LRP1B: variants seen among roughly 807,000 people sequenced by gnomAD.
LRP1B encodes the protein LDL receptor related protein 1B.
Under a neutral mutation model 556.6 loss-of-function variants are expected in LRP1B, and 217 were observed. The ratio of observed to expected loss-of-function variants is 0.39; its 90% CI spans 0.35 to 0.44. The LOEUF (loss-of-function observed/expected upper bound fraction) is 0.44. Among genes scored for constraint, LRP1B ranks in the 20% least tolerant of loss-of-function variants. LRP1B has a pLI of 1.00. For missense variants in LRP1B, 5,053 were observed against 5,620.8 expected, an observed-to-expected ratio of 0.90 and a Z score of 3.23; for synonymous variants, 2,047 against 1,865.8, an observed-to-expected ratio of 1.10 and a Z score of -2.50.
At chr2:140,876,135 T>C (rs529275835) in intron 25 of LRP1B, among the ~76,000 whole-genome samples, 1 of 152,156 alleles carries the variant, frequency 6.6e-6, no homozygotes, top group Non-Finnish European at 1.5e-5. Flanking sequence ...GAAATGTTTA[T>C]GAGTATCAAG....
chr2:140,526,649 T>C (rs1320879322), intron 47 of LRP1B, among the ~76,000 whole-genome samples: 1 of 148,336 alleles, frequency 6.7e-6, no homozygotes, highest in Non-Finnish European at 1.5e-5. Context: ...GCAGGGACCA[T>C]GCTGTGTTGA....
intron 1 of LRP1B, among the ~76,000 whole-genome samples, chr2:142,104,699 G>A (rs532068851): frequency 6.6e-6 from 1 of 152,242 alleles, no homozygotes; most frequent in South Asian, 2.1e-4. Flanking sequence ...GCTCACCAGA[G>A]TTACTTTACT....
intron 84 of LRP1B, among the ~76,000 whole-genome samples, chr2:140,287,154 G>A (rs958346775): frequency 1.3e-5 from 2 of 151,732 alleles, no homozygotes; most frequent in African/African-American, 4.8e-5. Context: ...TGTGAACTCA[G>A]ACTATACATC....
chr2:141,508,711 G>A (rs1173457614), intron 2 of LRP1B, among the ~76,000 whole-genome samples: 1 of 151,924 alleles, frequency 6.6e-6, no homozygotes, highest in Non-Finnish European at 1.5e-5. Context: ...ACTAGGAAGA[G>A]GCAAGTGTTT....
chr2:141,582,905 G>A (rs1033654735), intron 2 of LRP1B, among the ~76,000 whole-genome samples: 10 of 134,926 alleles, frequency 7.4e-5, no homozygotes, highest in African/African-American at 2.3e-4. Context: ...GCCTGATCTC[G>A]GCTCACTGCA....
In LRP1B at chr2:141,939,646, T is replaced by G. The variant is rs1265769610; in HGVS notation, c.83-129245A>C. ...TTCTACTTATTTGGCTGTATTTTACTATTATATATGTTTTGATGTCATTTA... is the reference window on the plus strand; with the variant it reads ...TTCTACTTATTTGGCTGTATTTTACGATTATATATGTTTTGATGTCATTTA... On this transcript the variant is annotated intron_variant, in intron 1 of 90. Coordinates refer to ENST00000389484, the MANE Select transcript of LRP1B (RefSeq NM_018557.3). 2.6e-5 allele frequency among the ~76,000 whole-genome samples: 4 copies of G among 152,188 alleles called. No homozygotes were observed. The East Asian group carries it at 7.7e-4, about 29-fold the overall frequency.
chr2:140,427,278 C>G (rs1347637504), intron 66 of LRP1B, among the ~76,000 whole-genome samples: 2 of 152,094 alleles, frequency 1.3e-5, no homozygotes, highest in African/African-American at 4.8e-5. Flanking sequence ...AAGTCAATTG[C>G]GAGGACGCCT....
intron 2 of LRP1B, among the ~76,000 whole-genome samples, chr2:141,490,899 C>T (rs915587818): frequency 1.3e-5 from 2 of 150,468 alleles, no homozygotes; most frequent in South Asian, 4.2e-4. Flanking sequence ...CTCCTTCGTC[C>T]CCCTCCCTCC....
chr2:141,456,908 T>C (rs1454043519), intron 3 of LRP1B, among the ~76,000 whole-genome samples: 1 of 152,226 alleles, frequency 6.6e-6, no homozygotes, highest in Non-Finnish European at 1.5e-5. Context: ...AGGGAACTTA[T>C]GCTGTCTTTC....
chr2:140,744,841 A>G (rs1040418321), intron 35 of LRP1B, among the ~76,000 whole-genome samples: 2 of 152,142 alleles, frequency 1.3e-5, no homozygotes, highest in African/African-American at 4.8e-5. Context: ...CTAGGATGCA[A>G]GCTCCAGGAG....
At chr2:141,639,684 A>G (rs183849546) in intron 2 of LRP1B, among the ~76,000 whole-genome samples, 1 of 151,932 alleles carries the variant, frequency 6.6e-6, no homozygotes, top group Admixed American at 6.6e-5. Context: ...TTCTCCAATA[A>G]TTATTTTGTT....
intron 20 of LRP1B, among the ~76,000 whole-genome samples, chr2:140,931,664 A>C (rs1161055821): frequency 3.3e-5 from 5 of 152,294 alleles, no homozygotes; most frequent in South Asian, 2.1e-4. Context: ...TAGAGTTCTA[A>C]GTATCACCCA....
At chr2:140,832,059 T>C (rs764948264) in intron 31 of LRP1B, among the ~76,000 whole-genome samples, 12 of 152,136 alleles carry the variant, frequency 7.9e-5, no homozygotes, top group Middle Eastern at 3.2e-3. Context: ...AACACTCCTA[T>C]GTTGTTGGTG....
chr2:141,192,934 GAA>G (rs1159076787), intron 6 of LRP1B, among the ~76,000 whole-genome samples: 6 of 151,910 alleles, frequency 3.9e-5, no homozygotes, highest in Admixed American at 2.0e-4. Flanking sequence ...GAAACATTCA[GAA>G]AAGAGTTTAA....
intron 35 of LRP1B, among the ~76,000 whole-genome samples, chr2:140,745,565 G>A (rs1324787468): frequency 2.6e-5 from 4 of 152,088 alleles, no homozygotes; most frequent in Non-Finnish European, 5.9e-5. Context: ...GGTTTTCTGT[G>A]TGTATATGTG....
At chr2:140,762,329 C>T (rs1688954881) in intron 35 of LRP1B, among the ~76,000 whole-genome samples, 1 of 152,256 alleles carries the variant, frequency 6.6e-6, no homozygotes. Context: ...ATACTCATAT[C>T]TCATCCTGAA....
chr2:140,590,166 A>T (rs1352871912), intron 43 of LRP1B, among the ~76,000 whole-genome samples: 1 of 151,260 alleles, frequency 6.6e-6, no homozygotes, highest in Non-Finnish European at 1.5e-5. Context: ...AAATGCACAC[A>T]GGTAAAAACA....
rs1687733101 is a variant in LRP1B at position 140,730,312 on chromosome 2, C to G, written c.5759-13496G>C. 2.6e-5 allele frequency among the ~76,000 whole-genome samples: 4 copies of G among 152,054 alleles called. No homozygotes were observed. In the South Asian group the frequency reaches 8.3e-4, roughly 32 times the overall value. On this transcript the variant is annotated intron_variant, in intron 35 of 90. Transcript: ENST00000389484. ...TTAACATTCTTTATGTACTTAGGTT[C>G]CTCATGAGCCTTTGATGAAGTCCAG...
At chr2:142,054,635 T>A (rs1163447103) in intron 1 of LRP1B, among the ~76,000 whole-genome samples, 1 of 152,178 alleles carries the variant, frequency 6.6e-6, no homozygotes, top group African/African-American at 2.4e-5. Flanking sequence ...TTATTCTATA[T>A]AAGTAATTGT....
Sources: allele counts gnomAD v4.1 joint callset (sites outside exome capture counted in the v4.1 genomes callset), GRCh38; gene constraint gnomAD v4.1.1; transcripts MANE v1.5; gene names NCBI Gene and HGNC (gene_info 2026-07-23, HGNC 2026-07-21).